The following GPD2 variants were observed in gnomAD, a reference collection of about 807,000 sequenced individuals.
GPD2 encodes glycerol-3-phosphate dehydrogenase 2.
In GPD2, 54 loss-of-function variants were observed where a neutral mutation model predicts 82.4. The observed-to-expected ratio is 0.66, with a 90% CI of 0.53 to 0.82. The LOEUF is 0.82. Ranked by LOEUF, GPD2 falls within the 40% of genes least tolerant of loss-of-function variation. GPD2 has a pLI of 0.00. For missense variants in GPD2, 748 were observed against 896.2 expected (o/e 0.83, Z 2.11); for synonymous variants, 288 against 306.1 (o/e 0.94, Z 0.62).
intron 13 of GPD2, among the ~76,000 whole-genome samples, chr2:156,572,760 G>T (rs1468569907): frequency 6.6e-6 from 1 of 152,166 alleles, no homozygotes; most frequent in Non-Finnish European, 1.5e-5. Context: ...GCTAGAGGAG[G>T]TGTAAGAAGA....
chr2:156,400,808 G>GT, the GPD2 span, among the ~76,000 whole-genome samples: 1 of 152,230 alleles, frequency 6.6e-6, no homozygotes, highest in Non-Finnish European at 1.5e-5. Context: ...CTTCGCATGT[G>GT]TGAGGTCCCG....
intron 6 of GPD2, among the ~76,000 whole-genome samples, chr2:156,513,910 G>A (rs1265144360): frequency 6.6e-6 from 1 of 152,214 alleles, no homozygotes; most frequent in African/African-American, 2.4e-5. Flanking sequence ...TTTTCAAGGG[G>A]TTATAAACCT....
chr2:156,489,692 CTT>C (rs1684081449), intron 2 of GPD2, among the ~76,000 whole-genome samples: 1 of 1,682 alleles, frequency 5.9e-4, no homozygotes, highest in Non-Finnish European at 1.4e-3. Flanking sequence ...TTCCTTCTTC[CTT>C]CCTTCCTTCC....
intron 6 of GPD2, among the ~76,000 whole-genome samples, chr2:156,517,292 G>T (rs1685235166): frequency 6.6e-6 from 1 of 152,152 alleles, no homozygotes; most frequent in African/African-American, 2.4e-5. Context: ...TATAGTTACT[G>T]TTCTGTGCAT....
At chr2:156,436,194 C>T (rs1688422627), upstream of GPD2, among the ~76,000 whole-genome samples, 1 of 152,252 alleles carries the variant, frequency 6.6e-6, no homozygotes, top group Non-Finnish European at 1.5e-5. Context: ...GCCCCCACTT[C>T]CGCGTTTCCC....
chr2:156,547,736 T>C (rs930707701), intron 6 of GPD2, among the ~76,000 whole-genome samples: 4 of 152,244 alleles, frequency 2.6e-5, no homozygotes, highest in Non-Finnish European at 4.4e-5. Context: ...CTATAACCTA[T>C]ACTGCTCCAA....
chr2:156,413,873 C>T, the GPD2 span, among the ~76,000 whole-genome samples: 1 of 152,234 alleles, frequency 6.6e-6, no homozygotes, highest in Non-Finnish European at 1.5e-5. Flanking sequence ...CATTGACCTC[C>T]AGCCTGGGCA....
intron 3 of GPD2, among the ~76,000 whole-genome samples, chr2:156,502,238 T>A (rs297589): frequency 0.65 from 98,944 of 151,422 alleles, 32,837 homozygotes; most frequent in Middle Eastern, 0.81. Flanking sequence ...AAATTTTTTT[T>A]AAAAATTGGG....
chr2:156,490,437 A>G (rs918769903), intron 2 of GPD2, among the ~76,000 whole-genome samples: 9 of 152,122 alleles, frequency 5.9e-5, no homozygotes, highest in African/African-American at 1.7e-4. Flanking sequence ...GTAGTGTCAG[A>G]AAGTAAATAA....
chr2:156,510,951 AT>A (rs774716951), intron 4 of GPD2, 31 bp downstream of exon 4: 62 of 1,606,080 alleles, frequency 3.9e-5, no homozygotes, highest in Non-Finnish European at 5.1e-5. Flanking sequence ...TTAAACAAAA[AT>A]TGCAACTGTG....
At chr2:156,564,431 A>G (rs1266461945) in intron 9 of GPD2, among the ~76,000 whole-genome samples, 1 of 152,180 alleles carries the variant, frequency 6.6e-6, no homozygotes, top group East Asian at 1.9e-4. Flanking sequence ...GTGGGTAAAT[A>G]CGTGATATGG....
At chr2:156,486,903 G>T (rs1055441772) in intron 2 of GPD2, among the ~76,000 whole-genome samples, 1 of 152,172 alleles carries the variant, frequency 6.6e-6, no homozygotes, top group Non-Finnish European at 1.5e-5. Context: ...GCTTGGAACC[G>T]GCTGGTTGGC....
At chr2:156,563,361 T>A (rs936548479) in intron 9 of GPD2, among the ~76,000 whole-genome samples, 1 of 152,142 alleles carries the variant, frequency 6.6e-6, no homozygotes, top group African/African-American at 2.4e-5. Flanking sequence ...TGTTAAGCTA[T>A]CCTGGCAGTA....
the GPD2 span, among the ~76,000 whole-genome samples, chr2:156,400,819 G>T: frequency 6.6e-6 from 1 of 152,132 alleles, no homozygotes; most frequent in African/African-American, 2.4e-5. Context: ...TGAGGTCCCG[G>T]GTTCAATCCC....
chr2:156,515,130 G>T (rs532978055), intron 6 of GPD2, among the ~76,000 whole-genome samples: 28 of 152,010 alleles, frequency 1.8e-4, no homozygotes, highest in Non-Finnish European at 1.6e-4. Flanking sequence ...AAGTATTAGT[G>T]GGCTGGGTAT....
At chr2:156,451,527 C>T (rs1231553975) in intron 1 of GPD2, among the ~76,000 whole-genome samples, 1 of 110,892 alleles carries the variant, frequency 9.0e-6, no homozygotes, top group Non-Finnish European at 1.9e-5. Flanking sequence ...GGCTGACCCC[C>T]CCACCTCCCT....
At chr2:156,507,721 ATTAC>A (rs1684838299) in intron 3 of GPD2, among the ~76,000 whole-genome samples, 1 of 152,114 alleles carries the variant, frequency 6.6e-6, no homozygotes. Flanking sequence ...AGATCCAGAT[ATTAC>A]TTACTTGTGA....
chr2:156,530,733 T>G (rs1326157752), intron 6 of GPD2, among the ~76,000 whole-genome samples: 1 of 152,214 alleles, frequency 6.6e-6, no homozygotes, highest in Non-Finnish European at 1.5e-5. Flanking sequence ...TGGATTACAT[T>G]TATTGATTTG....
the GPD2 span, among the ~76,000 whole-genome samples, chr2:156,409,947 T>C: frequency 2.0e-5 from 3 of 151,968 alleles, no homozygotes; most frequent in Non-Finnish European, 4.4e-5. Context: ...CCAGGTGTGT[T>C]GAGGCAGAGG....
Sources: allele counts gnomAD v4.1 joint callset (sites outside exome capture counted in the v4.1 genomes callset), GRCh38; gene constraint gnomAD v4.1.1; transcripts MANE v1.5; gene names NCBI Gene and HGNC (gene_info 2026-07-23, HGNC 2026-07-21).